Variants in DPYD observed in about 807,000 individuals in gnomAD.
DPYD encodes dihydropyrimidine dehydrogenase [NADP(+)].
DPYD carries 109 observed loss-of-function variants against 116.2 expected under a neutral mutation model. The ratio of observed to expected loss-of-function variants is 0.94; its 90% confidence interval spans 0.80 to 1.10. DPYD has a LOEUF of 1.10. Among genes scored for constraint, DPYD ranks in the 50% least tolerant of loss-of-function variants. DPYD has a pLI of 0.00. For missense variants in DPYD, 1,302 were observed against 1,254.5 expected (o/e 1.04, Z -0.57); for synonymous variants, 440 against 432.0 (o/e 1.02, Z -0.23).
chr1:97,431,146 A>G (rs962097082), intron 14 of DPYD, among the ~76,000 whole-genome samples: 1 of 152,170 alleles, frequency 6.6e-6, no homozygotes, highest in East Asian at 1.9e-4. Context: ...CAAAGAAAAA[A>G]GATTCTTACA....
intron 22 of DPYD, among the ~76,000 whole-genome samples, chr1:97,080,340 G>T (rs1649066462): frequency 6.6e-6 from 1 of 151,780 alleles, no homozygotes; most frequent in Non-Finnish European, 1.5e-5. Context: ...TCATACCAAT[G>T]TTATAATTCA....
At chr1:97,510,047 T>G (rs1389330285) in intron 13 of DPYD, among the ~76,000 whole-genome samples, 1 of 151,620 alleles carries the variant, frequency 6.6e-6, no homozygotes, top group African/African-American at 2.4e-5. Context: ...AGGAACAGGC[T>G]GACAAAACTA....
At chr1:97,588,532 T>C (rs931180135) in intron 10 of DPYD, among the ~76,000 whole-genome samples, 1 of 152,240 alleles carries the variant, frequency 6.6e-6, no homozygotes, top group East Asian at 1.9e-4. Context: ...TAAAGCATCC[T>C]TGCAGTTCTA....
At chr1:97,697,851 G>A (rs1661392232) in intron 6 of DPYD, among the ~76,000 whole-genome samples, 1 of 151,924 alleles carries the variant, frequency 6.6e-6, no homozygotes, top group Admixed American at 6.6e-5. Context: ...TCCATTTTAG[G>A]CCTTTTGTGA....
At chr1:97,813,531 A>G (rs575660717) in intron 3 of DPYD, among the ~76,000 whole-genome samples, 61 of 152,328 alleles carry the variant, frequency 4.0e-4, no homozygotes, top group African/African-American at 1.4e-3. Flanking sequence ...TGCTAGCAAG[A>G]TAATTGGTTT....
At chr1:97,656,775 G>A (rs1030018780) in intron 8 of DPYD, among the ~76,000 whole-genome samples, 2 of 150,920 alleles carry the variant, frequency 1.3e-5, no homozygotes, top group Non-Finnish European at 1.5e-5. Context: ...AATTTCCATC[G>A]ATAAATTGTA....
At chr1:97,429,143 A>G (rs1416182257) in intron 14 of DPYD, among the ~76,000 whole-genome samples, 1 of 152,072 alleles carries the variant, frequency 6.6e-6, no homozygotes, top group Non-Finnish European at 1.5e-5. Context: ...ATAATGTTAA[A>G]CATTCATCTC....
At chr1:97,886,188 CAGTCAT>C (rs1394175380) in intron 1 of DPYD, among the ~76,000 whole-genome samples, 1 of 152,050 alleles carries the variant, frequency 6.6e-6, no homozygotes, top group Non-Finnish European at 1.5e-5. Flanking sequence ...TCCAGTGTGA[CAGTCAT>C]TCTACCTCAG....
chr1:97,300,786 C>A (rs370388405), intron 18 of DPYD, among the ~76,000 whole-genome samples: 1 of 152,018 alleles, frequency 6.6e-6, no homozygotes, highest in African/African-American at 2.4e-5. Flanking sequence ...TAACAATTCA[C>A]GCCTAAGTAA....
Position 97,373,599 on chromosome 1 carries a change from C to T in DPYD, c.2020G>A (p.Gly674Ser). The T allele has an allele frequency of 6.2e-7, 1 of 1,613,882 alleles. No homozygotes were observed. Among genetic ancestry groups the T allele is most frequent in the South Asian group, 1.1e-5 (1 of 91,068 alleles). ...ALELNLSCPH[G>S]MGERGMGLAC... ...AGGCCCATTCCTCTTTCTCCCATGC[C>T]ATGTGGACATGATAAATTTAACTCC... Residue 674 changes from glycine (G) to serine (S), a missense_variant, in exon 16 of 23, where the codon GGC becomes AGC. Physicochemically the swap from Gly to Ser is moderately conservative, Grantham distance 56. Coordinates refer to ENST00000370192, the MANE Select transcript of DPYD (RefSeq NM_000110.4).
At chr1:97,667,600 T>A (rs532612498) in intron 8 of DPYD, among the ~76,000 whole-genome samples, 18 of 152,190 alleles carry the variant, frequency 1.2e-4, no homozygotes, top group African/African-American at 4.1e-4. Flanking sequence ...AAACTGGAAC[T>A]TTTTTTCACT....
At chr1:97,219,162 T>G (rs1346817338) in intron 19 of DPYD, among the ~76,000 whole-genome samples, 1 of 152,096 alleles carries the variant, frequency 6.6e-6, no homozygotes, top group African/African-American at 2.4e-5. Flanking sequence ...TTATAAAGAA[T>G]TGGGACAGTA....
At chr1:97,764,073 A>C (rs1272239823) in intron 3 of DPYD, among the ~76,000 whole-genome samples, 1 of 152,060 alleles carries the variant, frequency 6.6e-6, no homozygotes, top group Non-Finnish European at 1.5e-5. Flanking sequence ...GGATGGCATG[A>C]GACGGGAGGA....
At chr1:97,708,376 G>A (rs1332120414) in intron 5 of DPYD, among the ~76,000 whole-genome samples, 1 of 151,992 alleles carries the variant, frequency 6.6e-6, no homozygotes, top group Non-Finnish European at 1.5e-5. Context: ...TGGAAGTAGG[G>A]TGGTATAAAT....
intron 12 of DPYD, among the ~76,000 whole-genome samples, chr1:97,536,765 T>C (rs1650031730): frequency 6.6e-6 from 1 of 152,200 alleles, no homozygotes. Context: ...CCCAAATAAA[T>C]GCCTCTTGGC....
At chr1:97,116,994 CAAA>C (rs397784957) in intron 20 of DPYD, among the ~76,000 whole-genome samples, 3,944 of 107,130 alleles carry the variant, frequency 0.037, 145 homozygotes, top group African/African-American at 0.12. Flanking sequence ...ACTAAAAATA[CAAA>C]AAAAAAAAAA....
chr1:97,735,279 G>T (rs998617927), intron 4 of DPYD, among the ~76,000 whole-genome samples: 10 of 152,030 alleles, frequency 6.6e-5, no homozygotes, highest in Non-Finnish European at 1.3e-4. Flanking sequence ...GGAACACAAA[G>T]CACTCAGTGG....
intron 2 of DPYD, among the ~76,000 whole-genome samples, chr1:97,846,331 A>T (rs1159421295): frequency 5.4e-4 from 83 of 152,330 alleles, no homozygotes; most frequent in African/African-American, 1.9e-3. Context: ...AAAAACTGGG[A>T]ATCTAATAAA....
intron 18 of DPYD, among the ~76,000 whole-genome samples, chr1:97,251,308 C>T (rs1570760014): frequency 6.8e-6 from 1 of 147,462 alleles, no homozygotes; most frequent in East Asian, 2.1e-4. Flanking sequence ...AGGAGAATCG[C>T]TTGAATCTGG....
Sources: gnomAD v4.1 joint callset for allele counts (sites outside exome capture counted in the v4.1 genomes callset) on GRCh38, gnomAD v4.1.1 for gene constraint, MANE v1.5 for transcripts, NCBI Gene and HGNC (gene_info 2026-07-23, HGNC 2026-07-21) for gene names.